CNN2: variants seen among roughly 807,000 people sequenced by gnomAD.
CNN2 encodes the protein calponin 2, also known as calponin-2.
CNN2 carries 21 observed loss-of-function variants against 31.0 expected under a neutral mutation model. The observed-to-expected ratio is 0.68, with a 90% CI of 0.48 to 0.98. CNN2 has a LOEUF of 0.98. Among genes scored for constraint, CNN2 ranks in the 50% least tolerant of loss-of-function variants. CNN2 has a pLI of 0.00. For synonymous variants in CNN2, 165 were observed against 179.6 expected (o/e 0.92, Z 0.65); for missense variants, 399 against 427.3 (o/e 0.93, Z 0.58).
At chr19:1,032,963 G>A (rs908645292) in intron 4 of CNN2, 14 of 371,702 alleles carry the variant, frequency 3.8e-5, no homozygotes, top group African/African-American at 6.3e-5. Context: ...ATTTTTAGTG[G>A]AGACTGGGTT....
chr19:1,031,911 C>T (rs537218820), intron 2 of CNN2, among the ~76,000 whole-genome samples: 1 of 152,092 alleles, frequency 6.6e-6, no homozygotes, highest in Non-Finnish European at 1.5e-5. Flanking sequence ...AGCCACCAAA[C>T]CCAGCCAAAG....
chr19:1,035,041 C>G (rs1294120930), intron 4 of CNN2, among the ~76,000 whole-genome samples: 47 of 7,922 alleles, frequency 5.9e-3, no homozygotes, highest in South Asian at 0.021. Flanking sequence ...TGGTGTAGAC[C>G]GGGAGCGTGG....
intron 1 of CNN2, 110 bp downstream of exon 1, chr19:1,026,834 C>A (rs2039404054): frequency 9.3e-7 from 1 of 1,080,570 alleles, no homozygotes; most frequent in Non-Finnish European, 1.3e-6. Context: ...AGCTTGGAGA[C>A]CCGGGGCGGA....
chr19:1,028,831 C>G (rs2039442766), intron 1 of CNN2, among the ~76,000 whole-genome samples: 1 of 152,174 alleles, frequency 6.6e-6, no homozygotes, highest in South Asian at 2.1e-4. Context: ...GTTCTCATTC[C>G]TCGGGATCAA....
chr19:1,035,499 C>T (rs1460208293), intron 4 of CNN2, among the ~76,000 whole-genome samples: 2 of 152,098 alleles, frequency 1.3e-5, no homozygotes, highest in Non-Finnish European at 2.9e-5. Flanking sequence ...CCATGGTGCC[C>T]GGGGATTGGG....
At chr19:1,035,969 G>A (rs1216018743) in intron 4 of CNN2, 161 bp from the exon 5 acceptor site, 5 of 1,070,098 alleles carry the variant, frequency 4.7e-6, no homozygotes, top group Middle Eastern at 2.2e-4. Flanking sequence ...GGTGTGTGGA[G>A]TGTGTGGAGT....
At chr19:1,036,681 T>G in intron 6 of CNN2, 119 bp downstream of exon 6, 1 of 1,270,870 alleles carries the variant, frequency 7.9e-7, no homozygotes, top group Non-Finnish European at 1.1e-6. Context: ...GCCCCTTCCC[T>G]AGACCACCTC....
chr19:1,037,835 G>T lies in CNN2; in HGVS notation c.865G>T (p.Asp289Tyr), dbSNP rs760162257. 8 of 1,607,256 alleles carry T rather than the reference G, an allele frequency of 5.0e-6. No homozygotes were observed. The South Asian group carries it at 7.7e-5, about 15-fold the overall frequency. Residue 289 changes from aspartate (D) to tyrosine (Y), a missense_variant, in exon 7 of 7, where the codon GAC becomes TAC. By Grantham distance (160) the Asp-to-Tyr change is radical. Transcript: ENST00000263097. ...VADGAPSGTG[D>Y]CPDPGEVPEY... ...CGATGGGGCTCCCTCGGGCACCGGCGACTGCCCGGACCCGGGGGAGGTCCC... is the reference window on the plus strand; with the variant it reads ...CGATGGGGCTCCCTCGGGCACCGGCTACTGCCCGGACCCGGGGGAGGTCCC...
chr19:1,032,321 C>T, intron 2 of CNN2, 71 bp from the exon 3 acceptor site: 2 of 1,583,350 alleles, frequency 1.3e-6, no homozygotes, highest in South Asian at 2.2e-5. Context: ...CTGAGATCAG[C>T]ATCGGGTCTT....
At chr19:1,033,509 C>T (rs2039533140) in intron 4 of CNN2, among the ~76,000 whole-genome samples, 1 of 152,206 alleles carries the variant, frequency 6.6e-6, no homozygotes, top group Non-Finnish European at 1.5e-5. Context: ...AAAAAATAAT[C>T]ATAACAAAAG....
chr19:1,031,808 G>C (rs2039502914), intron 2 of CNN2, among the ~76,000 whole-genome samples: 1 of 150,858 alleles, frequency 6.6e-6, no homozygotes, highest in Non-Finnish European at 1.5e-5. Context: ...AGTAGAGATG[G>C]GGTTGCTCCA....
At chr19:1,036,315 A>G (rs112340731) in intron 5 of CNN2, 69 bp downstream of exon 5, 290,844 of 1,570,868 alleles carry the variant, frequency 0.19, 28,549 homozygotes, top group Non-Finnish European at 0.21. Flanking sequence ...GGACAGCAGC[A>G]TTGGGGGACA....
At chr19:1,026,958 T>TCCC in intron 1 of CNN2, 2 of 446,060 alleles carry the variant, frequency 4.5e-6, no homozygotes, top group Non-Finnish European at 8.0e-6. Context: ...AGTGACCCAT[T>TCCC]CCCCCCCCCA....
At position 1,032,741 on chromosome 19, in the gene CNN2, G is replaced by C. The variant is rs75971431; in HGVS notation, c.390+45G>C. On this transcript the variant is annotated intron_variant, in intron 4 of 6. Coordinates refer to ENST00000263097, the MANE Select transcript of CNN2 (RefSeq NM_004368.4). ...AGCCACCTGCCCAGAGTCACACAGC[G>C]AGGTGGATGTAGCTGCTGCATTCAC... The C allele has an allele frequency of 4.8e-3, 6,967 of 1,459,622 alleles. 289 individuals carry two copies. In the African/African-American group the frequency reaches 0.086, roughly 18 times the overall value. 90.4% of individuals were successfully genotyped at this position (1,459,622 alleles called of 1,614,324 possible).
chr19:1,030,945 G>T (rs961238419), intron 1 of CNN2, 126 bp from the exon 2 acceptor site: 30 of 1,219,898 alleles, frequency 2.5e-5, no homozygotes, highest in Non-Finnish European at 3.2e-5. Flanking sequence ...GGTGAGGGGG[G>T]ACCTCCAGGC....
Position 1,036,511 on chromosome 19 carries a change from G to A in CNN2, c.603G>A (p.Met201Ile), listed in dbSNP as rs141801176. ...YDPKNHILPP[M>I]DHSTISLQMG... is the part of the protein sequence containing the mutation. ...CCAAGAACCATATCCTGCCCCCCAT[G>A]GACCACTCGACCATCAGCCTCCAGA... is the stretch of plus-strand genomic sequence containing the variant. Residue 201 changes from methionine (M) to isoleucine (I), a missense_variant, in exon 6 of 7, where the codon ATG (methionine) becomes ATA (isoleucine). Met to Ile is a conservative substitution (Grantham distance 10). Coordinates refer to ENST00000263097, the MANE Select transcript of CNN2 (RefSeq NM_004368.4). 2.2e-5 allele frequency: 36 copies of A among 1,613,290 alleles called. No homozygotes were observed. Among genetic ancestry groups the A allele is most frequent in the Non-Finnish European group, 3.1e-5 (36 of 1,179,360 alleles).
intron 4 of CNN2, 160 bp from the exon 5 acceptor site, chr19:1,035,970 T>G: frequency 9.5e-7 from 1 of 1,053,374 alleles, no homozygotes; most frequent in South Asian, 2.1e-5. Flanking sequence ...GTGTGTGGAG[T>G]GTGTGGAGTC....
intron 6 of CNN2, 27 bp downstream of exon 6, chr19:1,036,589 T>C: frequency 6.2e-7 from 1 of 1,613,266 alleles, no homozygotes. Context: ...TGCCCCCGAC[T>C]CCTCTCCCTG....
intron 4 of CNN2, 49 bp from the exon 5 acceptor site, chr19:1,036,081 G>A (rs1387564172): frequency 1.3e-6 from 2 of 1,542,018 alleles, no homozygotes; most frequent in Non-Finnish European, 8.7e-7. Flanking sequence ...TAGATCTAGG[G>A]TCCCTGGCTG....
Sources: gnomAD v4.1 joint callset for allele counts (sites outside exome capture counted in the v4.1 genomes callset) on GRCh38, gnomAD v4.1.1 for gene constraint, MANE v1.5 for transcripts, NCBI Gene and HGNC (gene_info 2026-07-23, HGNC 2026-07-21) for gene names.